DCT: variants seen among roughly 807,000 people sequenced by gnomAD.
DCT encodes the protein dopachrome tautomerase.
Under a neutral mutation model 53.0 loss-of-function variants are expected in DCT, and 47 were observed. That is an observed-to-expected ratio of 0.89 (90% CI 0.70 to 1.13). DCT has a LOEUF of 1.13. Among genes scored for constraint, DCT ranks in the 50% most tolerant of loss-of-function variants. DCT has a pLI of 0.00. For synonymous variants in DCT, 244 were observed against 237.0 expected, an observed-to-expected ratio of 1.03 and a Z score of -0.27; for missense variants, 669 against 637.4, an observed-to-expected ratio of 1.05 and a Z score of -0.53.
intron 6 of DCT, among the ~76,000 whole-genome samples, chr13:94,446,769 G>A (rs1882763256): frequency 1.3e-5 from 2 of 152,090 alleles, no homozygotes; most frequent in Admixed American, 1.3e-4. Flanking sequence ...GGGCCTTGCT[G>A]ACAATCTTTG....
chr13:94,439,916 T>C lies in DCT; in HGVS notation c.1542A>G (p.Arg514=). 6.2e-7 allele frequency: 1 copy of C among 1,613,816 alleles called. No homozygotes were observed. Among genetic ancestry groups the C allele is most frequent in the Non-Finnish European group, 8.5e-7 (1 of 1,179,872 alleles). ...GAGCACCCTAGGCTTCTTCTGTGTA[T>C]CTCTTGCTGCTTAAATGTGTCTCCA... ...PLMETHLSSK[R]YTEEA Residue 514 remains arginine (R), a synonymous_variant, in exon 8 of 8, where the codon AGA becomes AGG. Coordinates refer to ENST00000377028, the MANE Select transcript of DCT (RefSeq NM_001922.5).
the DCT span, among the ~76,000 whole-genome samples, chr13:94,512,285 A>G: frequency 6.6e-6 from 1 of 152,194 alleles, no homozygotes; most frequent in Non-Finnish European, 1.5e-5. Flanking sequence ...TTGAGATAAT[A>G]AAATTTGAGC....
At chr13:94,498,210 T>A in the DCT span, among the ~76,000 whole-genome samples, 17 of 152,316 alleles carry the variant, frequency 1.1e-4, no homozygotes, top group Non-Finnish European at 2.4e-4. Flanking sequence ...GGCTACTCCA[T>A]CAGTGAGTGA....
intron 2 of DCT, chr13:94,466,863 C>T (rs1297852202): frequency 3.0e-6 from 1 of 332,870 alleles, no homozygotes; most frequent in Non-Finnish European, 5.5e-6. Context: ...GATAAACCCT[C>T]CTTTATCTCT....
chr13:94,499,101 CT>C, the DCT span, among the ~76,000 whole-genome samples: 2 of 152,158 alleles, frequency 1.3e-5, no homozygotes, highest in African/African-American at 2.4e-5. Flanking sequence ...TGTTCTTTCG[CT>C]TTTCACAATA....
At chr13:94,452,796 T>A (rs1883181480) in intron 6 of DCT, 1 of 486,786 alleles carries the variant, frequency 2.1e-6, no homozygotes, top group African/African-American at 2.0e-5. Flanking sequence ...AGAACTGAAA[T>A]GATTTGGAAT....
At chr13:94,476,150 C>A (rs1191785724) in intron 1 of DCT, among the ~76,000 whole-genome samples, 5 of 147,940 alleles carry the variant, frequency 3.4e-5, no homozygotes, top group African/African-American at 1.2e-4. Flanking sequence ...TTATTTCTGG[C>A]CCAAGGGCTT....
At chr13:94,469,090 G>T (rs369577205) in intron 1 of DCT, 45 bp from the exon 2 acceptor site, 2 of 1,502,768 alleles carry the variant, frequency 1.3e-6, no homozygotes, top group East Asian at 4.5e-5. Flanking sequence ...GGTTTATGTC[G>T]TTTGGAAGAA....
At chr13:94,498,946 A>G in the DCT span, among the ~76,000 whole-genome samples, 2 of 152,114 alleles carry the variant, frequency 1.3e-5, no homozygotes, top group African/African-American at 4.8e-5. Context: ...TGCGCCAGTC[A>G]GCACTCTGTA....
At chr13:94,502,957 A>G in the DCT span, among the ~76,000 whole-genome samples, 1 of 152,218 alleles carries the variant, frequency 6.6e-6, no homozygotes, top group South Asian at 2.1e-4. Context: ...TAACTAGTAA[A>G]GAGGTGGGTT....
intron 6 of DCT, among the ~76,000 whole-genome samples, chr13:94,457,207 T>C (rs1002095441): frequency 3.9e-5 from 6 of 152,236 alleles, no homozygotes; most frequent in African/African-American, 9.6e-5. Context: ...ATATCTGGAC[T>C]GAACTGTGTT....
chr13:94,473,231 A>G (rs1412694823), intron 1 of DCT, among the ~76,000 whole-genome samples: 2 of 152,220 alleles, frequency 1.3e-5, no homozygotes, highest in African/African-American at 4.8e-5. Context: ...TCGAATATCC[A>G]TATGACTATT....
chr13:94,466,823 A>G, intron 2 of DCT, 165 bp from the exon 3 acceptor site: 1 of 407,040 alleles, frequency 2.5e-6, no homozygotes, highest in Non-Finnish European at 4.5e-6. Flanking sequence ...TAGTAATGAC[A>G]TGAATTTCAG....
At chr13:94,510,117 C>A in the DCT span, among the ~76,000 whole-genome samples, 5 of 152,156 alleles carry the variant, frequency 3.3e-5, no homozygotes, top group African/African-American at 1.2e-4. Flanking sequence ...GTCCTCTCCT[C>A]AATCTCTTTT....
Position 94,439,554 on chromosome 13 carries a change from G to A in DCT, c.*344C>T, listed in dbSNP as rs568739366. 1.6e-4 allele frequency: 25 copies of A among 158,720 alleles called. 1 individual carries two copies. Among genetic ancestry groups the A allele is most frequent in the East Asian group, 1.3e-3 (7 of 5,462 alleles). The allele number at this position is 158,720 out of a possible 1,614,324, so 9.8% of individuals were successfully genotyped here. A position where few individuals can be genotyped will look rare whatever the true frequency, so the allele number is the denominator to read the frequency against. ...ACCTGCAAATTTAAATGACTCCCCTGGATCAATGTTTTGGGATTTTTTTTG... is the reference window on the plus strand; with the variant it reads ...ACCTGCAAATTTAAATGACTCCCCTAGATCAATGTTTTGGGATTTTTTTTG... On this transcript the variant is annotated 3_prime_UTR_variant, in exon 8 of 8. Coordinates refer to ENST00000377028, the MANE Select transcript of DCT (RefSeq NM_001922.5).
chr13:94,531,395 A>G, the DCT span, among the ~76,000 whole-genome samples: 1 of 152,212 alleles, frequency 6.6e-6, no homozygotes, highest in East Asian at 1.9e-4. Context: ...AAACTATACT[A>G]CAAGGCTACA....
intron 7 of DCT, among the ~76,000 whole-genome samples, chr13:94,441,819 T>C (rs2139271178): frequency 6.6e-6 from 1 of 152,344 alleles, no homozygotes; most frequent in South Asian, 2.1e-4. Context: ...GGTGTGCAAA[T>C]ATCTCTGCTG....
chr13:94,508,523 T>C, the DCT span, among the ~76,000 whole-genome samples: 2 of 152,102 alleles, frequency 1.3e-5, no homozygotes, highest in Non-Finnish European at 2.9e-5. Flanking sequence ...GGAAAAGAAA[T>C]CTCAAATTGT....
chr13:94,500,394 C>T, the DCT span, among the ~76,000 whole-genome samples: 1 of 152,184 alleles, frequency 6.6e-6, no homozygotes, highest in Non-Finnish European at 1.5e-5. Flanking sequence ...TTATTCACTA[C>T]CATGAAAACA....
Sources: allele counts gnomAD v4.1 joint callset (sites outside exome capture counted in the v4.1 genomes callset), GRCh38; gene constraint gnomAD v4.1.1; transcripts MANE v1.5; gene names NCBI Gene and HGNC (gene_info 2026-07-23, HGNC 2026-07-21).